The following CDC14A variants were observed in gnomAD, a reference collection of about 807,000 sequenced individuals.
The protein encoded by CDC14A is cell division cycle 14A, also known as dual specificity protein phosphatase CDC14A.
A neutral mutation model predicts 74.4 loss-of-function variants in CDC14A; 53 were observed. That is an observed-to-expected ratio of 0.71 (90% CI 0.57 to 0.89). CDC14A has a LOEUF of 0.89. Among genes scored for constraint, CDC14A ranks in the 40% least tolerant of loss-of-function variants. The pLI is 0.00. For missense variants in CDC14A, 646 were observed against 713.7 expected (o/e 0.91, Z 1.08); for synonymous variants, 247 against 258.4 (o/e 0.96, Z 0.43).
At chr1:100,494,007 A>G (rs1159696167) in intron 11 of CDC14A, among the ~76,000 whole-genome samples, 1 of 152,222 alleles carries the variant, frequency 6.6e-6, no homozygotes, top group African/African-American at 2.4e-5. Context: ...AAGGCAAAAT[A>G]CAGTCTTCAC....
At chr1:100,389,387 G>A (rs1187784588) in intron 3 of CDC14A, among the ~76,000 whole-genome samples, 1 of 150,360 alleles carries the variant, frequency 6.7e-6, no homozygotes, top group Non-Finnish European at 1.5e-5. Flanking sequence ...GGGAGGCGGA[G>A]GTTGCAGTGA....
chr1:100,381,285 T>A (rs1259880363), intron 3 of CDC14A, among the ~76,000 whole-genome samples: 4 of 152,226 alleles, frequency 2.6e-5, no homozygotes, highest in African/African-American at 9.6e-5. Flanking sequence ...ATCTAACTTT[T>A]GCCTTCCCTA....
intron 2 of CDC14A, among the ~76,000 whole-genome samples, chr1:100,366,275 G>A (rs1057475469): frequency 6.6e-6 from 1 of 152,164 alleles, no homozygotes; most frequent in East Asian, 1.9e-4. Flanking sequence ...ATGCTAACTA[G>A]TAATGCCTTG....
intron 2 of CDC14A, among the ~76,000 whole-genome samples, chr1:100,376,067 A>G (rs1472871240): frequency 6.6e-6 from 1 of 151,952 alleles, no homozygotes; most frequent in Non-Finnish European, 1.5e-5. Flanking sequence ...CAAACACCGC[A>G]TGTTCTCACT....
intron 4 of CDC14A, among the ~76,000 whole-genome samples, chr1:100,399,211 T>C (rs898513913): frequency 3.9e-5 from 6 of 152,150 alleles, no homozygotes; most frequent in Non-Finnish European, 8.8e-5. Context: ...AAATTTAGCC[T>C]ATGTATGTTT....
intron 15 of CDC14A, among the ~76,000 whole-genome samples, chr1:100,506,988 C>G (rs1367037195): frequency 2.6e-5 from 4 of 152,040 alleles, no homozygotes; most frequent in African/African-American, 9.7e-5. Context: ...CCAGCCTAGG[C>G]AATACAGAGA....
rs1317746584 is a variant in CDC14A at position 100,455,549 on chromosome 1, T to C, written c.607+57T>C. On this transcript the variant is annotated intron_variant, in intron 8 of 15. Transcript: ENST00000336454. Reference sequence around the variant, plus strand: ...TTTATTTTGATTTATCTTTCTAAGTTTCTTAACTTCCTCAGATAATTATTT... The same window carrying C: ...TTTATTTTGATTTATCTTTCTAAGTCTCTTAACTTCCTCAGATAATTATTT... 3 of 935,812 alleles carry C rather than the reference T, an allele frequency of 3.2e-6. No individual in the cohort carries two copies. The South Asian group carries it at 4.4e-5, about 14-fold the overall frequency. The allele number at this position is 935,812 out of a possible 1,614,324, so 58.0% of individuals were successfully genotyped here.
intron 2 of CDC14A, among the ~76,000 whole-genome samples, chr1:100,359,813 C>CA (rs1017584720): frequency 8.0e-5 from 12 of 150,076 alleles, no homozygotes; most frequent in East Asian, 7.8e-4. Context: ...AGGTATTCTC[C>CA]AAAAAAAACC....
chr1:100,430,798 T>C (rs1342028293), intron 5 of CDC14A, among the ~76,000 whole-genome samples: 1 of 152,234 alleles, frequency 6.6e-6, no homozygotes, highest in Non-Finnish European at 1.5e-5. Context: ...CTTACCGTGC[T>C]TTCCTCTTGA....
intron 8 of CDC14A, among the ~76,000 whole-genome samples, chr1:100,462,237 A>G (rs1214575472): frequency 6.6e-6 from 1 of 152,222 alleles, no homozygotes; most frequent in African/African-American, 2.4e-5. Flanking sequence ...AACTATACAT[A>G]TGGCAAAAAA....
chr1:100,468,999 A>G (rs1031383483), intron 10 of CDC14A, among the ~76,000 whole-genome samples: 4 of 152,024 alleles, frequency 2.6e-5, no homozygotes, highest in Non-Finnish European at 4.4e-5. Context: ...GGCTCAAGCA[A>G]TCCTCCCACC....
intron 4 of CDC14A, chr1:100,393,039 G>A: frequency 2.2e-6 from 3 of 1,385,038 alleles, no homozygotes; most frequent in Non-Finnish European, 3.0e-6. Context: ...CTTTTCAGAA[G>A]TCTTGCCGGA....
chr1:100,485,511 T>A (rs1299281521), intron 11 of CDC14A: 2 of 160,804 alleles, frequency 1.2e-5, no homozygotes, highest in African/African-American at 4.8e-5. Flanking sequence ...TGTAGTGAGC[T>A]ATGATGGCGT....
At chr1:100,349,936 C>T (rs909729892), upstream of CDC14A, among the ~76,000 whole-genome samples, 3 of 151,662 alleles carry the variant, frequency 2.0e-5, no homozygotes, top group Non-Finnish European at 4.4e-5. Flanking sequence ...GCGTGTGCCA[C>T]CACACCCGGC....
chr1:100,462,743 G>A lies in CDC14A; in HGVS notation c.700G>A (p.Ala234Thr), dbSNP rs1667432829. The change falls in exon 9 of 16, where the codon GCA becomes ACA. Residue 234 changes from alanine (A) to threonine (T), a missense_variant. Coordinates refer to ENST00000336454, the MANE Select transcript of CDC14A (RefSeq NM_003672.4). ...GAGGCTAAACAAAAAGATTTATGAG[G>A]CAAAGCGCTTCACAGACGCTGGCTT... The part of the protein sequence containing the change: ...VVRLNKKIYE[A>T]KRFTDAGFEH... The A allele has an allele frequency of 6.2e-7, 1 of 1,614,126 alleles. No individual in the cohort carries two copies. Among genetic ancestry groups the A allele is most frequent in the East Asian group, 2.2e-5 (1 of 44,868 alleles).
chr1:100,424,388 A>G (rs1249680504), intron 5 of CDC14A, 87 bp downstream of exon 5: 1 of 894,794 alleles, frequency 1.1e-6, no homozygotes, highest in Non-Finnish European at 1.9e-6. Context: ...TAATTGTCTT[A>G]AGATAATAAC....
rs2297171 is a variant in CDC14A at position 100,353,432 on chromosome 1, C to T, written c.50-330C>T. Among the ~76,000 whole-genome samples the T allele has an allele frequency of 1.6e-4, 24 of 152,332 alleles. No homozygotes were observed. In the East Asian group the frequency reaches 4.6e-3, roughly 29 times the overall value. On this transcript the variant is annotated intron_variant, in intron 1 of 15. Coordinates refer to ENST00000336454, the MANE Select transcript of CDC14A (RefSeq NM_003672.4). ...CGTCGGGAGGCTCACCTCTTTCTTC[C>T]CCTTCTCGCAGCTGCTGAGGTCTGG...
chr1:100,393,394 C>A (rs996903204), intron 4 of CDC14A: 4 of 845,044 alleles, frequency 4.7e-6, no homozygotes, highest in Non-Finnish European at 8.4e-6. Flanking sequence ...TTTACACATT[C>A]TTGCCATGCA....
At chr1:100,387,394 T>C (rs1474564420) in intron 3 of CDC14A, among the ~76,000 whole-genome samples, 1 of 152,220 alleles carries the variant, frequency 6.6e-6, no homozygotes, top group Non-Finnish European at 1.5e-5. Flanking sequence ...CAAGCTTCGC[T>C]AAGCAGGAAA....
Sources: allele counts gnomAD v4.1 joint callset (sites outside exome capture counted in the v4.1 genomes callset), GRCh38; gene constraint gnomAD v4.1.1; transcripts MANE v1.5; gene names NCBI Gene and HGNC (gene_info 2026-07-23, HGNC 2026-07-21).